DAB1: variants seen among roughly 807,000 people sequenced by gnomAD.
DAB1 encodes disabled homolog 1.
In DAB1, 15 loss-of-function variants were observed where a neutral mutation model predicts 64.6. The ratio of observed to expected loss-of-function variants is 0.23; its 90% confidence interval spans 0.16 to 0.36. The LOEUF (loss-of-function observed/expected upper bound fraction) is 0.36, where lower values mean the gene tolerates loss of function less well. DAB1 is among the 10% of genes least tolerant of loss of function. DAB1 has a pLI of 1.00. For missense variants in DAB1, 596 were observed against 706.7 expected (o/e 0.84, Z 1.78); for synonymous variants, 235 against 251.9 (o/e 0.93, Z 0.64).
intron 6 of DAB1, among the ~76,000 whole-genome samples, chr1:57,799,510 C>T (rs917022757): frequency 6.8e-6 from 1 of 147,452 alleles, no homozygotes; most frequent in Non-Finnish European, 1.5e-5. Context: ...CCAGGCCAGA[C>T]TGATTTGTTT....
intron 2 of DAB1, among the ~76,000 whole-genome samples, chr1:57,278,119 G>A (rs987943363): frequency 6.6e-6 from 1 of 152,208 alleles, no homozygotes; most frequent in Non-Finnish European, 1.5e-5. Context: ...GATGGTCTCT[G>A]CTGGGAAACA....
intron 1 of DAB1, among the ~76,000 whole-genome samples, chr1:57,368,722 C>T (rs934557256): frequency 7.9e-5 from 12 of 152,140 alleles, no homozygotes; most frequent in Admixed American, 5.2e-4. Context: ...TCATCTTGCT[C>T]ACCCTCCACT....
At chr1:58,357,884 C>T (rs925608358) in intron 3 of DAB1, among the ~76,000 whole-genome samples, 2 of 152,146 alleles carry the variant, frequency 1.3e-5, no homozygotes, top group Non-Finnish European at 2.9e-5. Context: ...CAATTCTTTC[C>T]ATCCTCCCTG....
At chr1:58,036,173 G>A (rs1647042704) in intron 5 of DAB1, among the ~76,000 whole-genome samples, 1 of 152,200 alleles carries the variant, frequency 6.6e-6, no homozygotes, top group South Asian at 2.1e-4. Context: ...AAAGTGCTTA[G>A]CCTATGCCAG....
At chr1:57,405,097 G>A (rs188668792) in intron 1 of DAB1, among the ~76,000 whole-genome samples, 5 of 152,228 alleles carry the variant, frequency 3.3e-5, no homozygotes, top group Non-Finnish European at 5.9e-5. Context: ...CTAAAACTAC[G>A]CATTTGACTC....
In DAB1 at chr1:57,882,989, A is replaced by AT. The variant is rs1429518834; in HGVS notation, n.87+1009dup. On this transcript the variant is annotated intron_variant and non_coding_transcript_variant, in intron 1 of 1. Transcript: ENST00000477280. Reference sequence around the variant, plus strand: ...CACTGAAGCCGAATGTTCAAGGACAATGCAAAGAGAGATTAAGGAAGGATG... The same window carrying AT: ...CACTGAAGCCGAATGTTCAAGGACAATTGCAAAGAGAGATTAAGGAAGGATG... Among the ~76,000 whole-genome samples the AT allele has an allele frequency of 5.9e-5, 9 of 152,334 alleles. No individual in the cohort carries two copies. The East Asian group carries it at 1.2e-3, about 20-fold the overall frequency.
At chr1:57,353,114 T>TACACACACACACACAC (rs10572319) in intron 1 of DAB1, among the ~76,000 whole-genome samples, 1 of 145,540 alleles carries the variant, frequency 6.9e-6, no homozygotes, top group African/African-American at 2.5e-5. Flanking sequence ...TTTTTTTCCA[T>TACACACACACACACAC]ACACACACAC....
At position 57,897,411 on chromosome 1, in the gene DAB1, G is replaced by GAA. The variant is rs148681366; in HGVS notation, n.388-13251_388-13250dup. On this transcript the variant is annotated intron_variant and non_coding_transcript_variant, in intron 5 of 20. Transcript: ENST00000485760. ...GTGGGAATCTTGTCTTTTCATTGTG[G>GAA]AAAAAAAAATCCCATATTGATTTTT... is the stretch of plus-strand genomic sequence containing the variant. 2.5e-3 allele frequency among the ~76,000 whole-genome samples: 373 copies of GAA among 151,182 alleles called. 1 individual carries two copies. Among genetic ancestry groups the GAA allele is most frequent in the African/African-American group, 8.2e-3 (337 of 41,220 alleles).
chr1:57,075,601 A>G (rs949894079), intron 4 of DAB1, among the ~76,000 whole-genome samples: 1 of 152,204 alleles, frequency 6.6e-6, no homozygotes, highest in South Asian at 2.1e-4. Context: ...CGCTTTAGAA[A>G]CTTAGAGTAT....
intron 7 of DAB1, among the ~76,000 whole-genome samples, chr1:57,472,991 G>T (rs937493685): frequency 1.3e-5 from 2 of 152,060 alleles, no homozygotes; most frequent in African/African-American, 4.8e-5. Context: ...GAGTAGGAAG[G>T]GTTTGCTTTA....
intron 1 of DAB1, among the ~76,000 whole-genome samples, chr1:57,415,185 A>C (rs1320442319): frequency 1.3e-5 from 2 of 151,756 alleles, no homozygotes; most frequent in African/African-American, 4.8e-5. Context: ...AATTGACTCT[A>C]AGTTCCAGGA....
chr1:57,548,387 T>G (rs1483671051), intron 7 of DAB1, among the ~76,000 whole-genome samples: 2 of 152,264 alleles, frequency 1.3e-5, no homozygotes, highest in East Asian at 3.9e-4. Context: ...AGCGTTCACA[T>G]TCTTAATCAC....
At chr1:57,717,117 T>C (rs999112029) in intron 6 of DAB1, among the ~76,000 whole-genome samples, 15 of 151,742 alleles carry the variant, frequency 9.9e-5, no homozygotes, top group Admixed American at 9.2e-4. Context: ...TGGGCGCCTG[T>C]AATCCCAGCT....
At position 57,394,303 on chromosome 1, in the gene DAB1, C is replaced by T. The variant is rs3850551; in HGVS notation, c.-137+29627G>A. The stretch of plus-strand genomic sequence containing the variant: ...ACAAACTGCTGAAGGCAGAGAGCTT[C>T]GAAAACCACTTGCTTTCCAACAGCA... On this transcript the variant is annotated intron_variant, in intron 1 of 14. Transcript: ENST00000371236. Among the ~76,000 whole-genome samples, 27 of 152,298 alleles carry T rather than the reference C, an allele frequency of 1.8e-4. No homozygotes were observed. In the East Asian group the frequency reaches 4.6e-3, roughly 26 times the overall value.
intron 6 of DAB1, among the ~76,000 whole-genome samples, chr1:57,663,059 A>G (rs902685898): frequency 9.8e-5 from 15 of 152,330 alleles, no homozygotes; most frequent in African/African-American, 3.4e-4. Flanking sequence ...TATAAAGAAA[A>G]GAGGTTTAAT....
chr1:57,011,044 G>A, intron 13 of DAB1, 101 bp downstream of exon 13: 1 of 1,454,502 alleles, frequency 6.9e-7, no homozygotes, highest in Non-Finnish European at 9.4e-7. Context: ...GATTGAGCCA[G>A]CATTCTTTTC....
At chr1:57,510,948 T>G (rs1212947285) in intron 7 of DAB1, among the ~76,000 whole-genome samples, 1 of 152,136 alleles carries the variant, frequency 6.6e-6, no homozygotes, top group Non-Finnish European at 1.5e-5. Flanking sequence ...CTAGCTCCTA[T>G]CTCCACTTTA....
intron 6 of DAB1, among the ~76,000 whole-genome samples, chr1:57,653,366 T>A (rs1357853558): frequency 2.0e-5 from 3 of 152,224 alleles, no homozygotes; most frequent in Admixed American, 6.5e-5. Flanking sequence ...TAAAGCCTAT[T>A]TTTTCTAATA....
intron 4 of DAB1, among the ~76,000 whole-genome samples, chr1:58,296,195 GAGAAAGAAAGAAAGAA>G (rs56816699): frequency 0.024 from 2,196 of 93,412 alleles, 53 homozygotes; most frequent in African/African-American, 0.052. Context: ...GAGAAAGAAA[GAGAAAGAAAGAAAGAA>G]AGAAAGAAAG....
Sources: allele counts gnomAD v4.1 joint callset (sites outside exome capture counted in the v4.1 genomes callset), GRCh38; gene constraint gnomAD v4.1.1; transcripts MANE v1.5; gene names NCBI Gene and HGNC (gene_info 2026-07-23, HGNC 2026-07-21).